MLIP: variants seen among roughly 807,000 people sequenced by gnomAD.
MLIP encodes the protein muscular LMNA interacting protein.
Under a neutral mutation model 84.8 loss-of-function variants are expected in MLIP, and 79 were observed. The observed-to-expected ratio is 0.93, with a 90% CI of 0.78 to 1.12. MLIP has a LOEUF of 1.12. MLIP is among the 50% of genes most tolerant of loss of function. MLIP has a pLI of 0.00. For synonymous variants in MLIP, 504 were observed against 463.0 expected (o/e 1.09, Z -1.14); for missense variants, 1,257 against 1,160.6 (o/e 1.08, Z -1.21).
intron 12 of MLIP, among the ~76,000 whole-genome samples, chr6:54,255,834 G>T (rs1582646393): frequency 1.3e-5 from 2 of 152,136 alleles, no homozygotes; most frequent in Admixed American, 1.3e-4. Flanking sequence ...AGATTAGAAG[G>T]TTGGACGTTT....
intron 1 of MLIP, among the ~76,000 whole-genome samples, chr6:54,118,898 G>T (rs9349695): frequency 2.0e-5 from 3 of 152,116 alleles, no homozygotes; most frequent in Non-Finnish European, 4.4e-5. Context: ...ATGGCCAACA[G>T]GTATATGGCC....
At chr6:54,153,215 G>A (rs900746737) in intron 5 of MLIP, among the ~76,000 whole-genome samples, 1 of 150,312 alleles carries the variant, frequency 6.7e-6, no homozygotes, top group African/African-American at 2.4e-5. Context: ...TTGGTGCAAG[G>A]AATATAAAAT....
chr6:54,108,235 T>G (rs1189499876), upstream of MLIP, among the ~76,000 whole-genome samples: 1 of 152,208 alleles, frequency 6.6e-6, no homozygotes, highest in Non-Finnish European at 1.5e-5. Flanking sequence ...AGTTTGTGTT[T>G]GTTAGTGGGA....
intron 10 of MLIP, among the ~76,000 whole-genome samples, chr6:54,191,613 T>A (rs989433106): frequency 9.2e-5 from 14 of 152,264 alleles, no homozygotes; most frequent in African/African-American, 3.1e-4. Context: ...ATTTCTTAAT[T>A]GAAAGTGAGA....
In MLIP at chr6:54,077,735, C is replaced by T. The variant is rs1029237531; in HGVS notation, c.64-43712C>T. Among the ~76,000 whole-genome samples the T allele has an allele frequency of 8.5e-5, 13 of 152,250 alleles. No homozygotes were observed. In the South Asian group the frequency reaches 1.7e-3, roughly 19 times the overall value. ...GCATAAACTTAAAGCATTGATTGGT[C>T]TTGGCATACCACTTATAAAGTTTGC... On this transcript the variant is annotated intron_variant, in intron 1 of 12. Coordinates refer to the MLIP transcript ENST00000274897.
chr6:54,022,751 T>C (rs1224443311), intron 1 of MLIP, among the ~76,000 whole-genome samples: 2 of 152,202 alleles, frequency 1.3e-5, no homozygotes, highest in African/African-American at 2.4e-5. Flanking sequence ...TAATGGTTTC[T>C]TTAAGAGATT....
intron 13 of MLIP, among the ~76,000 whole-genome samples, chr6:54,261,018 C>T (rs543609432): frequency 1.3e-5 from 2 of 152,046 alleles, no homozygotes; most frequent in South Asian, 2.1e-4. Context: ...AAGAAGAATA[C>T]TTTCATAGAT....
At position 54,040,450 on chromosome 6, in the gene MLIP, C is replaced by T. The variant is rs9474712; in HGVS notation, c.63+21359C>T. On this transcript the variant is annotated intron_variant, in intron 1 of 12. Transcript: ENST00000274897. ...GCAAGGCTACAGAAAAAAGGGAACA[C>T]TTACACAGTGTTGATGGGAATGTAA... Among the ~76,000 whole-genome samples the T allele has an allele frequency of 1.2e-3, 183 of 152,132 alleles. 1 individual carries two copies. Among genetic ancestry groups the T allele is most frequent in the African/African-American group, 4.2e-3 (175 of 41,550 alleles).
At chr6:54,230,584 C>A (rs1238708326) in intron 11 of MLIP, 130 bp from the exon 12 acceptor site, 2 of 770,942 alleles carry the variant, frequency 2.6e-6, no homozygotes, top group East Asian at 2.4e-5. Context: ...ATGAGGGACA[C>A]CATCTCATGA....
chr6:54,124,666 A>G lies in MLIP; in HGVS notation c.446A>G (p.Glu149Gly). 6.2e-7 allele frequency: 1 copy of G among 1,614,154 alleles called. No homozygotes were observed. The highest frequency in any genetic ancestry group is 8.5e-7 in the Non-Finnish European group (1 of 1,180,022). The change falls in exon 3 of 14, where the codon GAA (glutamate) becomes GGA (glycine). Residue 149 changes from glutamate to glycine, a missense_variant. By Grantham distance (98) the Glu-to-Gly change is moderately conservative. Transcript: ENST00000502396. ...GTCCTTATTGTGGACTCCGAAGGGG[A>G]AGATGAGGCTGCAAGCAGAAAAGTT... Reference protein sequence around the residue: ...EYVLIVDSEGEDEAASRKVEQ... With the variant: ...EYVLIVDSEGGDEAASRKVEQ...
At chr6:54,121,673 T>C in intron 2 of MLIP, 71 bp downstream of exon 2, 3 of 1,189,954 alleles carry the variant, frequency 2.5e-6, no homozygotes, top group Non-Finnish European at 3.5e-6. Flanking sequence ...ACTTGGAAAT[T>C]TGTGTATATT....
At chr6:54,136,621 T>G in intron 3 of MLIP, 94 bp from the exon 4 acceptor site, 3 of 1,232,594 alleles carry the variant, frequency 2.4e-6, no homozygotes, top group Non-Finnish European at 1.1e-6. Context: ...TCCTTTTGTG[T>G]AAATTGTTTG....
At chr6:54,243,766 G>T (rs1220413087) in intron 12 of MLIP, among the ~76,000 whole-genome samples, 1 of 151,392 alleles carries the variant, frequency 6.6e-6, no homozygotes, top group South Asian at 2.1e-4. Flanking sequence ...CGGGAATCAC[G>T]CACAGGCTTC....
chr6:54,121,211 C>T (rs1039386143), intron 1 of MLIP, among the ~76,000 whole-genome samples: 38 of 152,120 alleles, frequency 2.5e-4, no homozygotes, highest in Non-Finnish European at 8.8e-5. Flanking sequence ...TATGCCATCC[C>T]CTACAACAGG....
rs1445925973 is a variant in MLIP at position 54,137,111 on chromosome 6, T to C, written c.1042T>C (p.Ser348Pro). ...CGGAGAAAGTCCGAGAACCTCTTCTTCTCCACCGTCCTCCAGTGCTTCTCT... is the reference window on the plus strand; with the variant it reads ...CGGAGAAAGTCCGAGAACCTCTTCTCCTCCACCGTCCTCCAGTGCTTCTCT... ...SHGESPRTSS[S>P]PPSSSASLKS... Residue 348 changes from serine to proline, a missense_variant, in exon 4 of 14, where the codon TCT (serine) becomes CCT (proline). By Grantham distance (74) the Ser-to-Pro change is moderately conservative (BLOSUM62 -1). Coordinates refer to ENST00000502396, the MANE Select transcript of MLIP (RefSeq NM_001281747.2). 1 of 1,535,940 alleles carries C rather than the reference T, an allele frequency of 6.5e-7. No homozygotes were observed. The highest frequency in any genetic ancestry group is 8.7e-7 in the Non-Finnish European group (1 of 1,146,840).
intron 13 of MLIP, among the ~76,000 whole-genome samples, chr6:54,262,706 C>T (rs1279726960): frequency 1.3e-5 from 2 of 151,962 alleles, no homozygotes; most frequent in Non-Finnish European, 2.9e-5. Context: ...ACAAAAGGCC[C>T]ACCTGTTTTC....
chr6:54,068,351 G>T lies in MLIP; in HGVS notation c.63+49260G>T, dbSNP rs190229419. ...GGGGTTTCACCATGTCGGCCAGGCT[G>T]GTCTCGAACTCCTGACCTCAAGTGA... On this transcript the variant is annotated intron_variant, in intron 1 of 12. Transcript: ENST00000274897. 2.1e-4 allele frequency among the ~76,000 whole-genome samples: 21 copies of T among 97,946 alleles called. 3 individuals are homozygous for T. Among genetic ancestry groups the T allele is most frequent in the African/African-American group, 5.2e-4 (20 of 38,626 alleles). The allele number at this position is 97,946 out of a possible 152,430, so 64.3% of individuals were successfully genotyped here.
chr6:54,128,268 G>A (rs1295698962), intron 3 of MLIP, among the ~76,000 whole-genome samples: 1 of 152,076 alleles, frequency 6.6e-6, no homozygotes, highest in Non-Finnish European at 1.5e-5. Flanking sequence ...CCTGGACATA[G>A]GAGAGAGAAG....
intron 1 of MLIP, 33 bp downstream of exon 1, chr6:54,111,608 A>G: frequency 3.3e-6 from 5 of 1,534,500 alleles, no homozygotes; most frequent in Non-Finnish European, 4.4e-6. Flanking sequence ...TGCTTTCAGT[A>G]ACTTTTAAAA....
Sources: gnomAD v4.1 joint callset for allele counts (sites outside exome capture counted in the v4.1 genomes callset) on GRCh38, gnomAD v4.1.1 for gene constraint, MANE v1.5 for transcripts, NCBI Gene and HGNC (gene_info 2026-07-23, HGNC 2026-07-21) for gene names.